The following AOPEP variants were observed in gnomAD, a reference collection of about 807,000 sequenced individuals.
AOPEP encodes aminopeptidase O (putative).
A neutral mutation model predicts 98.1 loss-of-function variants in AOPEP; 77 were observed. The ratio of observed to expected loss-of-function variants is 0.78; its 90% CI spans 0.65 to 0.95. The LOEUF (loss-of-function observed/expected upper bound fraction) is 0.95, where lower values mean the gene tolerates loss of function less well. AOPEP is among the 40% of genes least tolerant of loss of function. The pLI is 0.00. For missense variants in AOPEP, 1,024 were observed against 1,024.7 expected, an observed-to-expected ratio of 1.00 and a Z score of 0.01; for synonymous variants, 346 against 365.3, an observed-to-expected ratio of 0.95 and a Z score of 0.60.
intron 1 of AOPEP, among the ~76,000 whole-genome samples, chr9:94,737,531 A>G (rs1435839262): frequency 6.6e-6 from 1 of 152,244 alleles, no homozygotes; most frequent in East Asian, 1.9e-4. Flanking sequence ...ATGGAATGTT[A>G]AATTATTGCA....
At position 94,958,810 on chromosome 9, in the gene AOPEP, T is replaced by A. The variant is rs540979980; in HGVS notation, c.1872+2795T>A. On this transcript the variant is annotated intron_variant, in intron 9 of 16. Coordinates refer to ENST00000375315, the MANE Select transcript of AOPEP (RefSeq NM_001193329.3). ...AGAGATATGATTTTCAAATATTTTG[T>A]TTTATTTTATGTTTTGTGTTTTTAC... Among the ~76,000 whole-genome samples the A allele has an allele frequency of 8.5e-5, 13 of 152,332 alleles. No homozygotes were observed. The East Asian group carries it at 2.1e-3, about 25-fold the overall frequency.
At position 95,017,767 on chromosome 9, in the gene AOPEP, C is replaced by A. The variant is rs117836806; in HGVS notation, c.2115+12151C>A. Among the ~76,000 whole-genome samples, 382 of 152,292 alleles carry A rather than the reference C, an allele frequency of 2.5e-3. 1 individual carries two copies. The highest frequency in any genetic ancestry group is 4.4e-3 in the Non-Finnish European group (299 of 68,030). ...TCCAGTTTTAGAACATTTCCATCAC[C>A]CAGAAAGTTCCTTGTATCCATTTGT... is the stretch of plus-strand genomic sequence containing the variant. On this transcript the variant is annotated intron_variant, in intron 13 of 16. Coordinates refer to ENST00000375315, the MANE Select transcript of AOPEP (RefSeq NM_001193329.3).
intron 5 of AOPEP, among the ~76,000 whole-genome samples, chr9:94,915,814 T>C (rs1018236126): frequency 2.0e-5 from 3 of 152,206 alleles, no homozygotes; most frequent in South Asian, 2.1e-4. Flanking sequence ...TTGCTGTCAG[T>C]TGGGGAAACA....
the AOPEP span, chr9:95,110,341 A>G: frequency 6.7e-4 from 685 of 1,018,434 alleles, no homozygotes; most frequent in Non-Finnish European, 7.8e-4. Flanking sequence ...TTCAGAATCA[A>G]ATAAGACAGA....
intron 1 of AOPEP, among the ~76,000 whole-genome samples, chr9:94,741,462 T>G (rs570515690): frequency 7.2e-5 from 11 of 151,840 alleles, no homozygotes; most frequent in South Asian, 2.1e-4. Flanking sequence ...TAGTAGAGAC[T>G]GGGTTTCACC....
chr9:94,942,392 G>T (rs556013259), intron 7 of AOPEP, among the ~76,000 whole-genome samples: 27 of 152,188 alleles, frequency 1.8e-4, no homozygotes, highest in African/African-American at 5.8e-4. Context: ...TAGAATGGAT[G>T]ACAAAAACTA....
At chr9:95,079,086 C>A (rs2069418896) in intron 14 of AOPEP, among the ~76,000 whole-genome samples, 1 of 152,220 alleles carries the variant, frequency 6.6e-6, no homozygotes, top group Non-Finnish European at 1.5e-5. Flanking sequence ...CTCCCAGAGG[C>A]ATGCCACTTC....
At chr9:94,899,716 CT>C (rs1443805188) in intron 5 of AOPEP, among the ~76,000 whole-genome samples, 1 of 151,878 alleles carries the variant, frequency 6.6e-6, no homozygotes, top group Non-Finnish European at 1.5e-5. Context: ...CACCACTGCA[CT>C]TCAGCCTAGG....
chr9:94,992,775 A>G (rs1352234937), intron 11 of AOPEP, among the ~76,000 whole-genome samples: 1 of 152,208 alleles, frequency 6.6e-6, no homozygotes, highest in Non-Finnish European at 1.5e-5. Context: ...GAGGCCTGCA[A>G]TGCAGGTGTA....
the AOPEP span, among the ~76,000 whole-genome samples, chr9:95,133,292 C>T: frequency 1.3e-5 from 2 of 152,250 alleles, no homozygotes; most frequent in African/African-American, 2.4e-5. Context: ...ATTGTAATTA[C>T]GTCCTTGAAC....
chr9:95,102,448 A>C, the AOPEP span, among the ~76,000 whole-genome samples: 1 of 152,240 alleles, frequency 6.6e-6, no homozygotes, highest in Non-Finnish European at 1.5e-5. Flanking sequence ...ACTTCGGTTA[A>C]GAAAAAAGGG....
chr9:94,974,637 A>G (rs1289226173), intron 10 of AOPEP, among the ~76,000 whole-genome samples: 2 of 152,118 alleles, frequency 1.3e-5, no homozygotes, highest in African/African-American at 2.4e-5. Context: ...AAACAGGGCA[A>G]CCACGCAGGA....
At chr9:94,897,401 C>A (rs376775807) in intron 5 of AOPEP, among the ~76,000 whole-genome samples, 1 of 152,172 alleles carries the variant, frequency 6.6e-6, no homozygotes, top group African/African-American at 2.4e-5. Context: ...TACCATATTT[C>A]TTTCACCAAA....
At chr9:95,134,068 C>T in the AOPEP span, among the ~76,000 whole-genome samples, 1 of 152,150 alleles carries the variant, frequency 6.6e-6, no homozygotes, top group Non-Finnish European at 1.5e-5. Context: ...ACTTTCAAGT[C>T]AGGTGGGATC....
intron 13 of AOPEP, among the ~76,000 whole-genome samples, chr9:95,011,983 C>T (rs2062562003): frequency 6.6e-6 from 1 of 152,180 alleles, no homozygotes; most frequent in South Asian, 2.1e-4. Flanking sequence ...TGGAACTATT[C>T]ATATCATAAT....
chr9:94,991,885 G>A (rs1024457861), intron 11 of AOPEP, among the ~76,000 whole-genome samples: 4 of 152,176 alleles, frequency 2.6e-5, no homozygotes, highest in African/African-American at 9.7e-5. Flanking sequence ...GAATGTGATT[G>A]TATATAGAGA....
chr9:94,979,573 A>C (rs992852150), intron 11 of AOPEP, 146 bp downstream of exon 11: 41 of 590,924 alleles, frequency 6.9e-5, no homozygotes, highest in Non-Finnish European at 1.1e-4. Flanking sequence ...TCAGAACACT[A>C]GTCTCTCCCG....
chr9:95,143,846 G>A, the AOPEP span, among the ~76,000 whole-genome samples: 233 of 152,308 alleles, frequency 1.5e-3, no homozygotes, highest in Non-Finnish European at 2.7e-3. Context: ...CAGCCCCAGG[G>A]ACAGACATGA....
intron 5 of AOPEP, among the ~76,000 whole-genome samples, chr9:94,849,247 T>A (rs1398137854): frequency 6.6e-6 from 1 of 152,220 alleles, no homozygotes; most frequent in African/African-American, 2.4e-5. Flanking sequence ...AAACTTATAT[T>A]TTCATTGAAG....
Sources: gnomAD v4.1 joint callset for allele counts (sites outside exome capture counted in the v4.1 genomes callset) on GRCh38, gnomAD v4.1.1 for gene constraint, MANE v1.5 for transcripts, NCBI Gene and HGNC (gene_info 2026-07-23, HGNC 2026-07-21) for gene names.